XRCC4: variants seen among roughly 807,000 people sequenced by gnomAD.
XRCC4 encodes the protein DNA repair protein XRCC4.
A neutral mutation model predicts 39.1 loss-of-function variants in XRCC4; 28 were observed. That is an observed-to-expected ratio of 0.72 (90% CI 0.53 to 0.98). The LOEUF (loss-of-function observed/expected upper bound fraction) is 0.98. Among genes scored for constraint, XRCC4 ranks in the 50% least tolerant of loss-of-function variants. XRCC4 has a pLI of 0.00. For synonymous variants in XRCC4, 123 were observed against 126.4 expected, an observed-to-expected ratio of 0.97 and a Z score of 0.18; for missense variants, 350 against 376.4, an observed-to-expected ratio of 0.93 and a Z score of 0.58.
At chr5:83,191,783 T>C (rs1299730055) in intron 3 of XRCC4, among the ~76,000 whole-genome samples, 1 of 152,178 alleles carries the variant, frequency 6.6e-6, no homozygotes, top group Admixed American at 6.5e-5. Flanking sequence ...GACTTGCTCC[T>C]CCTTGCCTTC....
At chr5:83,144,134 C>T (rs1748318212) in intron 3 of XRCC4, among the ~76,000 whole-genome samples, 1 of 152,086 alleles carries the variant, frequency 6.6e-6, no homozygotes. Flanking sequence ...TTAGCTCCCA[C>T]TTGTAAGTGA....
At chr5:83,216,666 TGGA>T in intron 6 of XRCC4, among the ~76,000 whole-genome samples, 1 of 152,206 alleles carries the variant, frequency 6.6e-6, no homozygotes, top group Admixed American at 6.5e-5. Flanking sequence ...ATACTTATTG[TGGA>T]TGAGCCTCAA....
chr5:83,370,929 C>A, the XRCC4 span, among the ~76,000 whole-genome samples: 4 of 152,144 alleles, frequency 2.6e-5, no homozygotes, highest in Admixed American at 2.6e-4. Context: ...ATTCTTCATT[C>A]TTCTGCCTTC....
chr5:83,212,407 T>C (rs1016375016), intron 6 of XRCC4, among the ~76,000 whole-genome samples: 9 of 151,978 alleles, frequency 5.9e-5, no homozygotes, highest in African/African-American at 1.9e-4. Flanking sequence ...GAGTGAATAA[T>C]TTCCTAGGAA....
At chr5:83,182,410 A>G (rs1356358261) in intron 3 of XRCC4, among the ~76,000 whole-genome samples, 1 of 152,144 alleles carries the variant, frequency 6.6e-6, no homozygotes, top group Non-Finnish European at 1.5e-5. Flanking sequence ...CAAAAACCAA[A>G]CATCTAAATG....
chr5:83,272,814 T>A (rs1754189797), intron 7 of XRCC4, among the ~76,000 whole-genome samples: 1 of 152,246 alleles, frequency 6.6e-6, no homozygotes, highest in Non-Finnish European at 1.5e-5. Flanking sequence ...ATTTTCTTTA[T>A]CCAGTCTGTC....
At chr5:83,184,943 G>A (rs557896111) in intron 3 of XRCC4, among the ~76,000 whole-genome samples, 5 of 151,972 alleles carry the variant, frequency 3.3e-5, no homozygotes, top group Non-Finnish European at 5.9e-5. Context: ...GTCTCCTATG[G>A]GATAAATCAT....
In XRCC4 at chr5:83,168,263, A is replaced by G. The variant is rs573244184; in HGVS notation, c.316-27507A>G. Among the ~76,000 whole-genome samples, 12 of 152,050 alleles carry G rather than the reference A, an allele frequency of 7.9e-5. No individual in the cohort carries two copies. The South Asian group carries it at 1.2e-3, about 16-fold the overall frequency. ...GTAAGATAATTTTATTATCGTACCA[A>G]TAATACACTTGAAGGAAATAAGTGC... is the stretch of plus-strand genomic sequence containing the variant. On this transcript the variant is annotated intron_variant, in intron 3 of 7. Coordinates refer to ENST00000396027, the MANE Select transcript of XRCC4 (RefSeq NM_003401.5).
intron 3 of XRCC4, among the ~76,000 whole-genome samples, chr5:83,117,257 C>T: frequency 6.6e-6 from 1 of 152,152 alleles, no homozygotes; most frequent in East Asian, 1.9e-4. Context: ...ATAGTGCCAG[C>T]ATTTGGAACT....
intron 7 of XRCC4, among the ~76,000 whole-genome samples, chr5:83,338,642 G>A (rs1440074174): frequency 6.6e-6 from 1 of 152,112 alleles, no homozygotes; most frequent in Non-Finnish European, 1.5e-5. Context: ...TTAAAGAAAT[G>A]AGACATTGTA....
At chr5:83,114,743 T>C (rs1746625675) in intron 3 of XRCC4, among the ~76,000 whole-genome samples, 1 of 152,254 alleles carries the variant, frequency 6.6e-6, no homozygotes, top group South Asian at 2.1e-4. Context: ...TTCCAGTCTC[T>C]GCCTGTTACC....
intron 3 of XRCC4, among the ~76,000 whole-genome samples, chr5:83,142,499 G>T (rs1748230268): frequency 6.6e-6 from 1 of 152,196 alleles, no homozygotes; most frequent in Non-Finnish European, 1.5e-5. Context: ...TGTTAATTTA[G>T]TTGATTTATT....
chr5:83,297,133 T>G (rs1311388377), intron 7 of XRCC4, among the ~76,000 whole-genome samples: 1 of 151,748 alleles, frequency 6.6e-6, no homozygotes. Context: ...ATAAGTAAAC[T>G]GAATATGGTA....
intron 7 of XRCC4, among the ~76,000 whole-genome samples, chr5:83,296,033 G>A (rs1215131433): frequency 1.3e-5 from 2 of 152,064 alleles, no homozygotes; most frequent in Non-Finnish European, 2.9e-5. Flanking sequence ...ACTGAAAATA[G>A]AGTTTGATGC....
At chr5:83,082,728 A>ATTT (rs201102978) in intron 1 of XRCC4, among the ~76,000 whole-genome samples, 1 of 138,740 alleles carries the variant, frequency 7.2e-6, no homozygotes, top group African/African-American at 2.9e-5. Context: ...ACATTATGAG[A>ATTT]TTTTTTTTTT....
chr5:83,133,077 G>A (rs1331013047), intron 3 of XRCC4, among the ~76,000 whole-genome samples: 4 of 152,094 alleles, frequency 2.6e-5, no homozygotes, highest in Non-Finnish European at 4.4e-5. Flanking sequence ...TGGTGTGGAT[G>A]TCCTTCCTGT....
At chr5:83,229,387 G>A (rs116572433) in intron 6 of XRCC4, among the ~76,000 whole-genome samples, 117 of 151,824 alleles carry the variant, frequency 7.7e-4, no homozygotes, top group African/African-American at 2.7e-3. Context: ...GCAATCCTAA[G>A]ATGATTAAAA....
chr5:83,250,864 G>GA (rs1163555046), intron 6 of XRCC4, among the ~76,000 whole-genome samples: 1 of 152,126 alleles, frequency 6.6e-6, no homozygotes, highest in Admixed American at 6.5e-5. Flanking sequence ...CAATGGAAAA[G>GA]AAAAATCGAA....
chr5:83,306,343 T>C (rs1427930906), intron 7 of XRCC4, among the ~76,000 whole-genome samples: 1 of 152,198 alleles, frequency 6.6e-6, no homozygotes, highest in Admixed American at 6.5e-5. Flanking sequence ...TAATTCATCA[T>C]TTGTATGTTC....
Sources: allele counts gnomAD v4.1 joint callset (sites outside exome capture counted in the v4.1 genomes callset), GRCh38; gene constraint gnomAD v4.1.1; transcripts MANE v1.5; gene names NCBI Gene and HGNC (gene_info 2026-07-23, HGNC 2026-07-21).